NOX3: variants seen among roughly 807,000 people sequenced by gnomAD.
NOX3 encodes the protein NADPH oxidase catalytic subunit-like 3.
In NOX3, 74 loss-of-function variants were observed where a neutral mutation model predicts 76.7. That is an observed-to-expected ratio of 0.96 (90% CI 0.80 to 1.17). The LOEUF is 1.17. Among genes scored for constraint, NOX3 ranks in the 50% most tolerant of loss-of-function variants. NOX3 has a pLI of 0.00. For missense variants in NOX3, 695 were observed against 703.3 expected (o/e 0.99, Z 0.13); for synonymous variants, 263 against 261.1 (o/e 1.01, Z -0.07).
At chr6:155,442,150 G>A (rs915445249) in intron 5 of NOX3, among the ~76,000 whole-genome samples, 9 of 152,150 alleles carry the variant, frequency 5.9e-5, no homozygotes, top group African/African-American at 2.2e-4. Flanking sequence ...TATAGTCCCA[G>A]CTACTCAGGA....
chr6:155,412,098 A>G (rs1776559068), intron 10 of NOX3, among the ~76,000 whole-genome samples: 1 of 152,180 alleles, frequency 6.6e-6, no homozygotes, highest in Non-Finnish European at 1.5e-5. Flanking sequence ...ACCACAGGAG[A>G]TAAATCTATT....
intron 4 of NOX3, among the ~76,000 whole-genome samples, chr6:155,451,982 A>G (rs1335640865): frequency 1.3e-5 from 2 of 152,034 alleles, no homozygotes; most frequent in Non-Finnish European, 2.9e-5. Flanking sequence ...TCTCTGTAAT[A>G]TCTTTAAAAC....
At chr6:155,440,362 T>C (rs1269474119) in intron 5 of NOX3, among the ~76,000 whole-genome samples, 1 of 152,048 alleles carries the variant, frequency 6.6e-6, no homozygotes. Context: ...CAGCTTACGG[T>C]GGTTACTTGC....
chr6:155,414,247 A>G (rs185259460), intron 10 of NOX3, among the ~76,000 whole-genome samples: 14 of 152,272 alleles, frequency 9.2e-5, no homozygotes, highest in Admixed American at 8.5e-4. Flanking sequence ...CATCTTTCTA[A>G]TGGTGGGGGA....
At chr6:155,451,298 C>T (rs1272632502) in intron 4 of NOX3, among the ~76,000 whole-genome samples, 3 of 151,900 alleles carry the variant, frequency 2.0e-5, no homozygotes, top group Admixed American at 1.3e-4. Flanking sequence ...ATTCTTTTAA[C>T]TCCACAGAAG....
rs531825495 is a variant in NOX3, at chr6:155,406,276, T to C, written c.1580+854A>G. Among the ~76,000 whole-genome samples, 8 of 152,310 alleles carry C rather than the reference T, an allele frequency of 5.3e-5. No individual in the cohort carries two copies. In the East Asian group the frequency reaches 1.5e-3, roughly 29 times the overall value. On this transcript the variant is annotated intron_variant, in intron 12 of 13. Coordinates refer to ENST00000159060, the MANE Select transcript of NOX3 (RefSeq NM_015718.3). ...TATATTTACGTTATGAAAACAACAC[T>C]GTGAATGGATATTATCATCCATATT...
chr6:155,422,575 G>C, intron 10 of NOX3, 119 bp downstream of exon 10: 1 of 898,234 alleles, frequency 1.1e-6, no homozygotes, highest in Non-Finnish European at 1.7e-6. Flanking sequence ...TATAGTTAAG[G>C]ATCCTTGAGT....
intron 10 of NOX3, among the ~76,000 whole-genome samples, chr6:155,420,672 G>A (rs577651584): frequency 1.3e-5 from 2 of 152,198 alleles, no homozygotes; most frequent in South Asian, 4.2e-4. Context: ...ATTTCTATTA[G>A]CTTTGTGATC....
chr6:155,453,621 T>C, intron 3 of NOX3, 133 bp from the exon 4 acceptor site: 1 of 696,500 alleles, frequency 1.4e-6, no homozygotes, highest in Non-Finnish European at 2.6e-6. Flanking sequence ...CAAAAGTTAA[T>C]GGCCATTAGT....
intron 13 of NOX3, among the ~76,000 whole-genome samples, chr6:155,396,406 G>A (rs985043785): frequency 7.2e-5 from 11 of 152,160 alleles, no homozygotes; most frequent in South Asian, 2.1e-4. Context: ...AAGAAGCAGC[G>A]TGAGTCTCCG....
chr6:155,411,385 C>T (rs753349681), intron 10 of NOX3, 25 bp from the exon 11 acceptor site: 26 of 1,598,162 alleles, frequency 1.6e-5, no homozygotes, highest in East Asian at 2.2e-5. Context: ...GGCAAGTGAA[C>T]GGATCTATTC....
In NOX3 at chr6:155,453,498, C is replaced by CA. The variant is rs764570460; in HGVS notation, c.256-11dup. 16 of 1,600,164 alleles carry CA rather than the reference C, an allele frequency of 1.0e-5. No individual in the cohort carries two copies. Among genetic ancestry groups the CA allele is most frequent in the South Asian group, 2.2e-5 (2 of 90,534 alleles). On this transcript the variant is annotated splice_polypyrimidine_tract_variant and intron_variant, in intron 3 of 13. Transcript: ENST00000159060. ...ACGGTCCTCTGCAGCACTAGAGTAACAAAAAAATATGCCTGATTTATGGAA... is the reference window on the plus strand; with the variant it reads ...ACGGTCCTCTGCAGCACTAGAGTAACAAAAAAAATATGCCTGATTTATGGAA...
chr6:155,418,076 T>C lies in NOX3; in HGVS notation c.1308+4618A>G, dbSNP rs150190797. On this transcript the variant is annotated intron_variant, in intron 10 of 13. Coordinates refer to ENST00000159060, the MANE Select transcript of NOX3 (RefSeq NM_015718.3). ...CCGCATCTTGCAGTTGGCAGTTGTC[T>C]CAGTCCTGACTGCACAGCTGTGATA... Among the ~76,000 whole-genome samples the C allele has an allele frequency of 6.7e-3, 1,016 of 152,340 alleles. 5 individuals carry two copies. The highest frequency in any genetic ancestry group is 9.3e-3 in the Non-Finnish European group (631 of 68,034).
At chr6:155,396,493 C>A (rs546572529) in intron 13 of NOX3, among the ~76,000 whole-genome samples, 13 of 152,348 alleles carry the variant, frequency 8.5e-5, no homozygotes, top group Admixed American at 2.0e-4. Context: ...CTCCAGCCCA[C>A]AGGCCAAATC....
chr6:155,426,988 T>C (rs1188312384), intron 9 of NOX3, among the ~76,000 whole-genome samples: 1 of 91,934 alleles, frequency 1.1e-5, no homozygotes, highest in African/African-American at 5.1e-5. Flanking sequence ...CTGTGGCGTG[T>C]GTGTGTGTGT....
rs184505947 is a variant in NOX3, at chr6:155,417,654, T to C, written c.1308+5040A>G. Among the ~76,000 whole-genome samples the C allele has an allele frequency of 4.0e-3, 604 of 152,126 alleles. 1 individual carries two copies. Among genetic ancestry groups the C allele is most frequent in the Middle Eastern group, 6.8e-3 (2 of 292 alleles). ...TAGTAGAGATGATCAGTTCCAGGAG[T>C]AGTCAGAGCTCCAGTGTGAGGGAAA... is the stretch of plus-strand genomic sequence containing the variant. On this transcript the variant is annotated intron_variant, in intron 10 of 13. Transcript: ENST00000159060.
At chr6:155,453,588 G>T in intron 3 of NOX3, 100 bp from the exon 4 acceptor site, 1 of 906,896 alleles carries the variant, frequency 1.1e-6, no homozygotes, top group Non-Finnish European at 1.8e-6. Flanking sequence ...CCTCTAAACT[G>T]CTTAAAGTGG....
chr6:155,405,363 G>A (rs1009574229), intron 12 of NOX3, among the ~76,000 whole-genome samples: 1 of 152,170 alleles, frequency 6.6e-6, no homozygotes, highest in Non-Finnish European at 1.5e-5. Flanking sequence ...TCTGTGACCT[G>A]TCAATACAGT....
At position 155,443,231 on chromosome 6, in the gene NOX3, G is replaced by A. The variant is rs764287417; in HGVS notation, c.486+42C>T. On this transcript the variant is annotated intron_variant, in intron 5 of 13. Transcript: ENST00000159060. ...CCTGATTAGAGGACTGGAAAAGGAC[G>A]GATTTTTCAGGGGAGAAGCTTGTTA... 21 of 1,585,016 alleles carry A rather than the reference G, an allele frequency of 1.3e-5. No homozygotes were observed. The East Asian group carries it at 2.1e-4, about 16-fold the overall frequency.
Sources: gnomAD v4.1 joint callset for allele counts (sites outside exome capture counted in the v4.1 genomes callset) on GRCh38, gnomAD v4.1.1 for gene constraint, MANE v1.5 for transcripts, NCBI Gene and HGNC (gene_info 2026-07-23, HGNC 2026-07-21) for gene names.